RYR3: variants seen among roughly 807,000 people sequenced by gnomAD.
RYR3 encodes ryanodine receptor 3.
Under a neutral mutation model 584.3 loss-of-function variants are expected in RYR3, and 207 were observed. The ratio of observed to expected loss-of-function variants is 0.35; its 90% CI spans 0.32 to 0.40. The LOEUF (loss-of-function observed/expected upper bound fraction) is 0.40, where lower values mean the gene tolerates loss of function less well. RYR3 is among the 10% of genes least tolerant of loss of function. The probability of loss-of-function intolerance (pLI) is 1.00; values close to 1 mark genes in which losing one functional copy is unlikely to be tolerated. For synonymous variants in RYR3, 2,416 were observed against 2,248.5 expected (o/e 1.07, Z -2.11); for missense variants, 5,616 against 6,089.2 (o/e 0.92, Z 2.59).
chr15:33,771,901 G>T lies in RYR3; in HGVS notation c.8817-19G>T. ...AAGTTCAGATTATGCTTCTAGATTT[G>T]AACATTGTTTGCTTGCAGGACTGTC... On this transcript the variant is annotated intron_variant, in intron 62 of 103. Transcript: ENST00000634891. 4 of 1,573,510 alleles carry T rather than the reference G, an allele frequency of 2.5e-6. No individual in the cohort carries two copies. The highest frequency in any genetic ancestry group is 2.3e-5 in the South Asian group (2 of 87,530).
intron 8 of RYR3, among the ~76,000 whole-genome samples, chr15:33,545,623 C>G (rs933333460): frequency 1.3e-5 from 2 of 152,132 alleles, no homozygotes; most frequent in African/African-American, 4.8e-5. Flanking sequence ...TAGTCTCAAT[C>G]AAAACAGGAT....
rs760346507 is a variant in RYR3, at chr15:33,700,983, C to A, written c.6386C>A (p.Pro2129Gln). 2.5e-6 allele frequency: 4 copies of A among 1,611,882 alleles called. No individual in the cohort carries two copies. The highest frequency in any genetic ancestry group is 3.4e-6 in the Non-Finnish European group (4 of 1,178,634). ...LENSSVGLAS[P>Q]SMRGSTPLDV... ...TTCTCCCCTCCTCCCTCAGCCTCCCCGTCGATGAGGGGATCCACCCCGCTG... is the reference window on the plus strand; with the variant it reads ...TTCTCCCCTCCTCCCTCAGCCTCCCAGTCGATGAGGGGATCCACCCCGCTG... The change falls in exon 42 of 104, where the codon CCG becomes CAG. Residue 2129 changes from proline (P) to glutamine (Q), a missense_variant. This residue lies in a region of RYR3 where 1,280 missense variants were observed against 1,426.2 expected (regional missense o/e 0.90). Transcript: ENST00000634891.
chr15:33,578,618 G>T (rs763971824), intron 12 of RYR3, among the ~76,000 whole-genome samples: 9 of 152,036 alleles, frequency 5.9e-5, no homozygotes, highest in Non-Finnish European at 1.3e-4. Context: ...GGGGTGGGGG[G>T]TAGGAGGAGG....
At chr15:33,520,161 G>T (rs1356328024) in intron 3 of RYR3, among the ~76,000 whole-genome samples, 1 of 152,198 alleles carries the variant, frequency 6.6e-6, no homozygotes, top group African/African-American at 2.4e-5. Flanking sequence ...TATAGCTTGT[G>T]TGGGTAAAGG....
chr15:33,358,312 C>T (rs1974268706), intron 1 of RYR3, among the ~76,000 whole-genome samples: 1 of 152,240 alleles, frequency 6.6e-6, no homozygotes, highest in African/African-American at 2.4e-5. Context: ...TACTGAGGCA[C>T]TGCTGCCCAT....
intron 6 of RYR3, 67 bp from the exon 7 acceptor site, chr15:33,540,724 G>C (rs1397160490): frequency 1.1e-6 from 1 of 928,660 alleles, no homozygotes; most frequent in African/African-American, 1.6e-5. Flanking sequence ...TGAAGTTCTA[G>C]GTGAGCTGTT....
intron 84 of RYR3, among the ~76,000 whole-genome samples, chr15:33,826,986 C>T (rs992687149): frequency 1.3e-5 from 2 of 152,322 alleles, no homozygotes; most frequent in East Asian, 1.9e-4. Context: ...TTCCATCTAG[C>T]CCCTTGGGGC....
intron 27 of RYR3, among the ~76,000 whole-genome samples, chr15:33,637,302 T>C (rs916299168): frequency 1.3e-5 from 2 of 152,258 alleles, no homozygotes; most frequent in African/African-American, 4.8e-5. Context: ...ACTTTCTTCA[T>C]CTATATCAGA....
intron 57 of RYR3, among the ~76,000 whole-genome samples, chr15:33,754,020 C>T (rs1005806116): frequency 4.6e-5 from 7 of 152,182 alleles, no homozygotes; most frequent in African/African-American, 1.7e-4. Flanking sequence ...TGGTGCGTGC[C>T]TGTAATCCCA....
intron 77 of RYR3, 31 bp from the exon 78 acceptor site, chr15:33,820,725 T>C: frequency 6.3e-7 from 1 of 1,579,054 alleles, no homozygotes; most frequent in Admixed American, 1.7e-5. Context: ...TGATTGTCTG[T>C]CTTCTCCCTT....
At chr15:33,578,524 A>G (rs1413167477) in intron 12 of RYR3, among the ~76,000 whole-genome samples, 1 of 152,096 alleles carries the variant, frequency 6.6e-6, no homozygotes, top group African/African-American at 2.4e-5. Flanking sequence ...ACAAAGCACC[A>G]CATGTTCTCA....
chr15:33,504,726 T>C (rs1490720121), intron 3 of RYR3, among the ~76,000 whole-genome samples: 1 of 152,136 alleles, frequency 6.6e-6, no homozygotes, highest in African/African-American at 2.4e-5. Context: ...CTGCCCCATC[T>C]CTCACCACAT....
intron 1 of RYR3, among the ~76,000 whole-genome samples, chr15:33,464,503 T>TACACACAC (rs1555487154): frequency 9.4e-6 from 1 of 105,942 alleles, no homozygotes; most frequent in African/African-American, 3.4e-5. Flanking sequence ...CATATATATA[T>TACACACAC]ACATACACAT....
intron 16 of RYR3, among the ~76,000 whole-genome samples, chr15:33,597,343 G>A (rs893040409): frequency 1.3e-4 from 20 of 152,122 alleles, no homozygotes; most frequent in African/African-American, 3.4e-4. Flanking sequence ...CTGGCCAGGC[G>A]CAGTAGCTCA....
Position 33,838,223 on chromosome 15 carries a change from G to A in RYR3, c.12243G>A (p.Lys4081=). 9 of 1,614,042 alleles carry A rather than the reference G, an allele frequency of 5.6e-6. No homozygotes were observed. Among genetic ancestry groups the A allele is most frequent in the Non-Finnish European group, 7.6e-6 (9 of 1,179,892 alleles). Residue 4081 remains lysine (K), a synonymous_variant, in exon 89 of 104, where the codon AAG becomes AAA. Coordinates refer to ENST00000634891, the MANE Select transcript of RYR3 (RefSeq NM_001036.6). ...DVVNEGGEQE[K]MELFVNFCED... ...TCAATGAAGGTGGGGAGCAGGAAAA[G>A]ATGGAGCTGTTTGTGAACTTCTGTG... is the stretch of plus-strand genomic sequence containing the variant.
At chr15:33,642,694 A>T (rs1301605651) in intron 27 of RYR3, among the ~76,000 whole-genome samples, 1 of 152,238 alleles carries the variant, frequency 6.6e-6, no homozygotes, top group Non-Finnish European at 1.5e-5. Context: ...TATAGAAAGG[A>T]GATGGTTTCA....
At chr15:33,492,107 A>C (rs77306092) in intron 2 of RYR3, among the ~76,000 whole-genome samples, 3,011 of 152,268 alleles carry the variant, frequency 0.02, 87 homozygotes, top group African/African-American at 0.068. Context: ...CTCCTGCAGG[A>C]TCTGACTGGC....
intron 50 of RYR3, among the ~76,000 whole-genome samples, chr15:33,739,626 G>A (rs555297189): frequency 2.0e-5 from 3 of 151,810 alleles, no homozygotes; most frequent in Non-Finnish European, 4.4e-5. Context: ...AGCAAATGGT[G>A]ACTTGAGGAT....
At chr15:33,437,067 G>T (rs1192138896) in intron 1 of RYR3, among the ~76,000 whole-genome samples, 4 of 151,822 alleles carry the variant, frequency 2.6e-5, no homozygotes, top group Non-Finnish European at 4.4e-5. Context: ...TTTCAACTCT[G>T]TCAATATCAA....
Sources: gnomAD v4.1 joint callset for allele counts (sites outside exome capture counted in the v4.1 genomes callset) on GRCh38, gnomAD v4.1.1 for gene constraint, gnomAD v4.1.1 regional missense constraint, MANE v1.5 for transcripts, NCBI Gene and HGNC (gene_info 2026-07-23, HGNC 2026-07-21) for gene names.